NT5DC3: variants seen among roughly 807,000 people sequenced by gnomAD.
The protein encoded by NT5DC3 is 5'-nucleotidase domain-containing protein 3.
In NT5DC3, 42 loss-of-function variants were observed where a neutral mutation model predicts 67.8. The ratio of observed to expected loss-of-function variants is 0.62; its 90% CI spans 0.48 to 0.80. The LOEUF is 0.80. Among genes scored for constraint, NT5DC3 ranks in the 30% least tolerant of loss-of-function variants. The probability of loss-of-function intolerance (pLI) is 0.00; values close to 1 mark genes in which losing one functional copy is unlikely to be tolerated. For synonymous variants in NT5DC3, 237 were observed against 255.6 expected, an observed-to-expected ratio of 0.93 and a Z score of 0.69; for missense variants, 570 against 696.4, an observed-to-expected ratio of 0.82 and a Z score of 2.04.
In NT5DC3 at chr12:103,777,627, C is replaced by T. The variant is rs1885384905; in HGVS notation, c.*202G>A. ...TCCAATGTGAAGCTTGCCTTTCAGC[C>T]CTGCATGGGGGGAAAGGCTGGAGGG... On this transcript the variant is annotated 3_prime_UTR_variant, in exon 14 of 14. Coordinates refer to ENST00000392876, the MANE Select transcript of NT5DC3 (RefSeq NM_001031701.3). 1.7e-6 allele frequency: 1 copy of T among 605,464 alleles called. No homozygotes were observed. The highest frequency in any genetic ancestry group is 2.8e-6 in the Non-Finnish European group (1 of 358,830). 37.5% of individuals were successfully genotyped at this position (605,464 alleles called of 1,614,324 possible).
intron 9 of NT5DC3, among the ~76,000 whole-genome samples, chr12:103,789,974 G>A (rs1885969943): frequency 6.6e-6 from 1 of 152,158 alleles, no homozygotes; most frequent in South Asian, 2.1e-4. Context: ...ACTATAAAAT[G>A]AGGATCACTT....
At chr12:103,752,319 G>T in the NT5DC3 span, among the ~76,000 whole-genome samples, 1 of 152,176 alleles carries the variant, frequency 6.6e-6, no homozygotes, top group Admixed American at 6.5e-5. Context: ...TGTTAAATTG[G>T]TGTTTGCATT....
At chr12:103,802,040 G>A (rs1886609519) in intron 4 of NT5DC3, 1 of 152,150 alleles carries the variant, frequency 6.6e-6, no homozygotes, top group Non-Finnish European at 1.5e-5. Flanking sequence ...GGAAGCGTGA[G>A]TGACTCGAGT....
At chr12:103,756,653 C>G in the NT5DC3 span, among the ~76,000 whole-genome samples, 6 of 152,016 alleles carry the variant, frequency 3.9e-5, no homozygotes, top group Admixed American at 6.5e-5. Flanking sequence ...CTTTCGAGTA[C>G]GGAACAAGGA....
the NT5DC3 span, chr12:103,754,945 C>CAAAAA: frequency 3.8e-5 from 6 of 158,516 alleles, no homozygotes; most frequent in East Asian, 4.7e-4. Flanking sequence ...GACTCCACCT[C>CAAAAA]AAAAAAAAAA....
chr12:103,757,474 T>C, the NT5DC3 span, among the ~76,000 whole-genome samples: 23 of 152,256 alleles, frequency 1.5e-4, no homozygotes, highest in East Asian at 4.4e-3. Context: ...AACACGTCAA[T>C]AGTATTGAGT....
intron 1 of NT5DC3, among the ~76,000 whole-genome samples, chr12:103,815,820 G>C (rs921168047): frequency 1.3e-5 from 2 of 152,024 alleles, no homozygotes; most frequent in African/African-American, 4.8e-5. Context: ...CTCAATAAAA[G>C]AACATTTGCT....
At position 103,815,092 on chromosome 12, in the gene NT5DC3, A is replaced by G. The variant is rs747916911; in HGVS notation, c.238T>C (p.Leu80=). ...TTTGAGAAAATGGCATCTGGATTCA[A>G]CAAGTTGCTCATAATGGAAGGAACC... is the stretch of plus-strand genomic sequence containing the variant. ...ELVPSIMSNL[L]NPDAIFSNNE... is the part of the protein sequence containing the mutation. The change falls in exon 2 of 14, where the codon TTG becomes CTG. Residue 80 remains leucine, a synonymous_variant. Coordinates refer to ENST00000392876, the MANE Select transcript of NT5DC3 (RefSeq NM_001031701.3). The G allele has an allele frequency of 3.1e-6, 5 of 1,612,990 alleles. No homozygotes were observed. In the South Asian group the frequency reaches 4.4e-5, roughly 14 times the overall value.
chr12:103,746,810 C>T, the NT5DC3 span: 1 of 1,077,608 alleles, frequency 9.3e-7, no homozygotes, highest in Non-Finnish European at 1.4e-6. Context: ...CTGTCTGGGC[C>T]ACTTCAGCAG....
At chr12:103,763,321 T>G in the NT5DC3 span, 1 of 636,948 alleles carries the variant, frequency 1.6e-6, no homozygotes, top group Non-Finnish European at 2.8e-6. Context: ...GTCACTGAGC[T>G]GAATCTAAAG....
chr12:103,763,473 T>C, the NT5DC3 span: 3 of 1,612,532 alleles, frequency 1.9e-6, no homozygotes, highest in East Asian at 2.2e-5. Context: ...CTGGCTTTCA[T>C]GCTTGTCTTT....
intron 12 of NT5DC3, among the ~76,000 whole-genome samples, chr12:103,780,801 T>C (rs1171374551): frequency 1.3e-5 from 2 of 152,238 alleles, no homozygotes; most frequent in Non-Finnish European, 2.9e-5. Context: ...TATATACATG[T>C]GTACAAACGT....
Position 103,777,795 on chromosome 12 carries a change from A to G in NT5DC3, c.*34T>C, listed in dbSNP as rs1193097876. 1 of 1,584,826 alleles carries G rather than the reference A, an allele frequency of 6.3e-7. No homozygotes were observed. Among genetic ancestry groups the G allele is most frequent in the East Asian group, 2.2e-5 (1 of 44,616 alleles). The stretch of plus-strand genomic sequence containing the variant: ...TCAACCCCATCATGCCTGCCCAATC[A>G]GGGGCAGTTACAGTTTCTAGTTTTT... On this transcript the variant is annotated 3_prime_UTR_variant, in exon 14 of 14. Transcript: ENST00000392876.
chr12:103,802,288 T>C (rs900869926), intron 4 of NT5DC3: 4 of 152,156 alleles, frequency 2.6e-5, no homozygotes, highest in African/African-American at 9.7e-5. Context: ...AGCAGAGGAC[T>C]CACCACAAGT....
At chr12:103,823,720 A>G (rs1329684529) in intron 1 of NT5DC3, among the ~76,000 whole-genome samples, 1 of 152,196 alleles carries the variant, frequency 6.6e-6, no homozygotes, top group African/African-American at 2.4e-5. Flanking sequence ...ATTTCTTTTA[A>G]AAGTATACCT....
intron 1 of NT5DC3, 79 bp downstream of exon 1, chr12:103,840,870 G>T (rs1347680548): frequency 5.8e-5 from 46 of 794,602 alleles, no homozygotes; most frequent in South Asian, 1.2e-4. Context: ...GGGCTGGTCC[G>T]GGTCCTAGGG....
downstream of NT5DC3, among the ~76,000 whole-genome samples, chr12:103,772,023 A>T (rs1286897986): frequency 6.6e-6 from 1 of 152,182 alleles, no homozygotes; most frequent in Non-Finnish European, 1.5e-5. Context: ...ACAGTCTTCA[A>T]GCTCTGAAAA....
intron 1 of NT5DC3, among the ~76,000 whole-genome samples, chr12:103,821,134 G>A (rs1593430186): frequency 6.6e-6 from 1 of 152,230 alleles, no homozygotes; most frequent in East Asian, 1.9e-4. Context: ...ACAACATGAA[G>A]TGGAGGCTGG....
At chr12:103,828,696 C>CTTTTTTTT (rs376961953) in intron 1 of NT5DC3, among the ~76,000 whole-genome samples, 2 of 136,352 alleles carry the variant, frequency 1.5e-5, no homozygotes. Context: ...TTTTTTCTTT[C>CTTTTTTTT]TTTTTATTTT....
Sources: allele counts gnomAD v4.1 joint callset (sites outside exome capture counted in the v4.1 genomes callset), GRCh38; gene constraint gnomAD v4.1.1; transcripts MANE v1.5; gene names NCBI Gene and HGNC (gene_info 2026-07-23, HGNC 2026-07-21).